The following ANKRD45 variants were observed in gnomAD, a reference collection of about 807,000 sequenced individuals.
ANKRD45 encodes the protein ankyrin repeat domain 45.
A neutral mutation model predicts 28.1 loss-of-function variants in ANKRD45; 21 were observed. The ratio of observed to expected loss-of-function variants is 0.75; its 90% CI spans 0.53 to 1.08. The LOEUF is 1.08. ANKRD45 is among the 50% of genes least tolerant of loss of function. The pLI is 0.00. For synonymous variants in ANKRD45, 86 were observed against 103.9 expected, an observed-to-expected ratio of 0.83 and a Z score of 1.05; for missense variants, 261 against 308.7, an observed-to-expected ratio of 0.85 and a Z score of 1.16.
intron 5 of ANKRD45, among the ~76,000 whole-genome samples, chr1:173,615,845 T>A (rs1034588209): frequency 1.3e-5 from 2 of 152,214 alleles, no homozygotes; most frequent in African/African-American, 2.4e-5. Context: ...GGCTCACACC[T>A]GTAATCCCAG....
chr1:173,618,366 ACC>A (rs1403575882), intron 5 of ANKRD45, among the ~76,000 whole-genome samples: 1 of 152,198 alleles, frequency 6.6e-6, no homozygotes. Context: ...ACACATTGTA[ACC>A]CAATGCAAAG....
chr1:173,619,508 G>T (rs1402339855), intron 5 of ANKRD45, among the ~76,000 whole-genome samples: 1 of 152,144 alleles, frequency 6.6e-6, no homozygotes, highest in Non-Finnish European at 1.5e-5. Flanking sequence ...TGACAAAACA[G>T]ACTTTAAACC....
chr1:173,687,885 T>C, the ANKRD45 span, among the ~76,000 whole-genome samples: 1 of 152,188 alleles, frequency 6.6e-6, no homozygotes, highest in Non-Finnish European at 1.5e-5. Context: ...TGAAGGGAGT[T>C]CCTCCTAGGT....
chr1:173,645,837 C>T (rs1411415269), intron 3 of ANKRD45, among the ~76,000 whole-genome samples: 3 of 152,170 alleles, frequency 2.0e-5, no homozygotes, highest in African/African-American at 7.2e-5. Context: ...AGCTCAAGCC[C>T]AACATGCTCT....
intron 1 of ANKRD45, among the ~76,000 whole-genome samples, chr1:173,662,271 C>T (rs1054263195): frequency 6.6e-6 from 1 of 152,116 alleles, no homozygotes; most frequent in Admixed American, 6.6e-5. Context: ...TTGTCATTTA[C>T]TGCTATGGTG....
chr1:173,648,905 A>G (rs1669053279), intron 2 of ANKRD45, among the ~76,000 whole-genome samples: 1 of 152,122 alleles, frequency 6.6e-6, no homozygotes, highest in Non-Finnish European at 1.5e-5. Context: ...AAGGTTATAT[A>G]ATTTGCCCAA....
chr1:173,613,751 C>G (rs1296081132), intron 5 of ANKRD45, among the ~76,000 whole-genome samples: 1 of 152,186 alleles, frequency 6.6e-6, no homozygotes, highest in Non-Finnish European at 1.5e-5. Context: ...ACCCGGCCAC[C>G]ACCCCGTCTG....
chr1:173,652,956 T>C (rs550017087), intron 2 of ANKRD45, among the ~76,000 whole-genome samples: 1 of 152,294 alleles, frequency 6.6e-6, no homozygotes, highest in African/African-American at 2.4e-5. Flanking sequence ...CCTTTATCAT[T>C]TTTTATTGTG....
chr1:173,682,637 A>G, the ANKRD45 span, among the ~76,000 whole-genome samples: 1 of 151,276 alleles, frequency 6.6e-6, no homozygotes, highest in Admixed American at 6.6e-5. Flanking sequence ...TAAAAAGAAA[A>G]AGGACGAGGT....
intron 1 of ANKRD45, among the ~76,000 whole-genome samples, chr1:173,667,505 C>T (rs1670073454): frequency 6.6e-6 from 1 of 152,168 alleles, no homozygotes; most frequent in Middle Eastern, 3.4e-3. Context: ...AGTTCAAGAC[C>T]AGCCTGGCCA....
chr1:173,639,751 A>G (rs1405222076), intron 3 of ANKRD45, among the ~76,000 whole-genome samples: 2 of 152,254 alleles, frequency 1.3e-5, no homozygotes, highest in East Asian at 3.8e-4. Flanking sequence ...TGCCTCAAGT[A>G]TTTGTTGGTA....
At chr1:173,638,217 A>C (rs1182847449) in intron 3 of ANKRD45, among the ~76,000 whole-genome samples, 1 of 152,122 alleles carries the variant, frequency 6.6e-6, no homozygotes, top group Non-Finnish European at 1.5e-5. Context: ...CCTCCCAGGG[A>C]AAGAGAATCG....
chr1:173,609,862 T>C lies in ANKRD45; in HGVS notation c.*283A>G, dbSNP rs533702656. ...TTACACAGAAAATTATTAGATTCTC[T>C]GAGTAGTTCTTAAAGCCTCCACATG... On this transcript the variant is annotated 3_prime_UTR_variant, in exon 6 of 6. Transcript: ENST00000333279. 3.1e-6 allele frequency: 1 copy of C among 320,872 alleles called. No homozygotes were observed. The highest frequency in any genetic ancestry group is 2.1e-5 in the African/African-American group (1 of 46,834). The allele number at this position is 320,872 out of a possible 1,614,324, so 19.9% of individuals were successfully genotyped here.
At chr1:173,690,790 T>C in the ANKRD45 span, among the ~76,000 whole-genome samples, 5 of 152,314 alleles carry the variant, frequency 3.3e-5, no homozygotes, top group Non-Finnish European at 4.4e-5. Flanking sequence ...CTGTCTTGCT[T>C]GGGGTATTTC....
Position 173,609,002 on chromosome 1 carries a change from G to A in ANKRD45, c.*1143C>T, listed in dbSNP as rs1482327128. On this transcript the variant is annotated 3_prime_UTR_variant, in exon 6 of 6. Transcript: ENST00000333279. ...GAAGGGAAAAGGGAGAAGGGAGAAGGAGGGTAAAAAAAAAAAAGGAGCAAA... is the reference window on the plus strand; with the variant it reads ...GAAGGGAAAAGGGAGAAGGGAGAAGAAGGGTAAAAAAAAAAAAGGAGCAAA... 1.3e-5 allele frequency among the ~76,000 whole-genome samples: 2 copies of A among 149,614 alleles called. No individual in the cohort carries two copies. Among genetic ancestry groups the A allele is most frequent in the Admixed American group, 6.6e-5 (1 of 15,046 alleles).
the ANKRD45 span, among the ~76,000 whole-genome samples, chr1:173,688,395 C>CCTCTCTCTCTCTGCCTCTTCCT: frequency 1.7e-5 from 2 of 119,326 alleles, no homozygotes; most frequent in Middle Eastern, 0.011. Flanking sequence ...TCTGCCTCTT[C>CCTCTCTCTCTCTGCCTCTTCCT]CTCTCTCTGC....
In ANKRD45 at chr1:173,609,520, A is replaced by G. The variant is rs1377461788; in HGVS notation, c.*625T>C. ...GGGAAATGGTCTTCAGTCCAGTTAC[A>G]ATATCTGTATTGCCAGCCTTACAGA... On this transcript the variant is annotated 3_prime_UTR_variant, in exon 6 of 6. Coordinates refer to ENST00000333279, the MANE Select transcript of ANKRD45 (RefSeq NM_198493.3). The G allele has an allele frequency of 2.0e-5, 3 of 152,282 alleles. No individual in the cohort carries two copies. The highest frequency in any genetic ancestry group is 7.2e-5 in the African/African-American group (3 of 41,476). 9.4% of individuals were successfully genotyped at this position (152,282 alleles called of 1,614,324 possible). A position where few individuals can be genotyped will look rare whatever the true frequency, so the allele number is the denominator to read the frequency against.
At chr1:173,635,330 T>C (rs1462128588) in intron 3 of ANKRD45, 5 of 553,948 alleles carry the variant, frequency 9.0e-6, no homozygotes, top group South Asian at 7.0e-5. Flanking sequence ...CTGTATCCTT[T>C]GCTGGGCATA....
chr1:173,715,121 G>A, the ANKRD45 span: 8 of 152,464 alleles, frequency 5.2e-5, no homozygotes, highest in South Asian at 2.1e-4. Flanking sequence ...AGCGGACAGC[G>A]CCCCAGGGCT....
Sources: allele counts gnomAD v4.1 joint callset (sites outside exome capture counted in the v4.1 genomes callset), GRCh38; gene constraint gnomAD v4.1.1; transcripts MANE v1.5; gene names NCBI Gene and HGNC (gene_info 2026-07-23, HGNC 2026-07-21).